The following SLTM variants were observed in gnomAD, a reference collection of about 807,000 sequenced individuals.
SLTM encodes the protein SAFB like transcription modulator, also known as SAFB-like transcription modulator.
A neutral mutation model predicts 134.6 loss-of-function variants in SLTM; 43 were observed. The ratio of observed to expected loss-of-function variants is 0.32; its 90% CI spans 0.25 to 0.41. The LOEUF (loss-of-function observed/expected upper bound fraction) is 0.41. Ranked by LOEUF, SLTM falls within the 10% of genes least tolerant of loss-of-function variation. The pLI, the probability that SLTM is intolerant of heterozygous loss-of-function variation, is 1.00. For synonymous variants in SLTM, 424 were observed against 432.3 expected (o/e 0.98, Z 0.24); for missense variants, 1,055 against 1,288.8 (o/e 0.82, Z 2.78).
At chr15:58,925,631 C>G (rs1233034065) in intron 2 of SLTM, among the ~76,000 whole-genome samples, 1 of 152,140 alleles carries the variant, frequency 6.6e-6, no homozygotes, top group Non-Finnish European at 1.5e-5. Flanking sequence ...AGCCATCCCA[C>G]CTGGCCCAAT....
In SLTM at chr15:58,913,680, T is replaced by G; in HGVS notation, c.332A>C (p.Asn111Thr). ...DAFIKDCELE[N>T]QEAHEQDGND... ...TCCATCTTGCTCATGTGCCTCTTGATTCTCCAATTCACAGTCCTTTTAATG... is the reference window on the plus strand; with the variant it reads ...TCCATCTTGCTCATGTGCCTCTTGAGTCTCCAATTCACAGTCCTTTTAATG... The change falls in exon 4 of 21, where the codon AAT becomes ACT. Residue 111 changes from asparagine to threonine, a missense_variant. Physicochemically the swap from Asn to Thr is moderately conservative, Grantham distance 65 (BLOSUM62 0). This residue lies in a region of SLTM where 268 missense variants were observed against 284.3 expected (regional missense o/e 0.94). Coordinates refer to ENST00000380516, the MANE Select transcript of SLTM (RefSeq NM_024755.4). 6.2e-7 allele frequency: 1 copy of G among 1,613,498 alleles called. No individual in the cohort carries two copies. The highest frequency in any genetic ancestry group is 8.5e-7 in the Non-Finnish European group (1 of 1,179,776).
chr15:58,908,713 G>A (rs2036052163), intron 5 of SLTM, among the ~76,000 whole-genome samples: 1 of 152,050 alleles, frequency 6.6e-6, no homozygotes, highest in Non-Finnish European at 1.5e-5. Flanking sequence ...GAAAATAAAT[G>A]AAACAAATCA....
At position 58,890,420 on chromosome 15, in the gene SLTM, C is replaced by T. The variant is rs1356307895; in HGVS notation, c.1940G>A (p.Arg647His). 3.7e-6 allele frequency: 6 copies of T among 1,613,810 alleles called. No individual in the cohort carries two copies. The highest frequency in any genetic ancestry group is 1.6e-4 in the Middle Eastern group (1 of 6,084). Residue 647 changes from arginine to histidine, a missense_variant, in exon 15 of 21, where the codon CGC becomes CAC. Coordinates refer to ENST00000380516, the MANE Select transcript of SLTM (RefSeq NM_024755.4). Reference sequence around the variant, plus strand: ...TTCCCGTTCACGAATTATTCTAATGCGTTCTCGCTCTCGACGCTCTCTCTC... The same window carrying T: ...TTCCCGTTCACGAATTATTCTAATGTGTTCTCGCTCTCGACGCTCTCTCTC... ...IAERERRERE[R>H]IRIIREREER...
intron 19 of SLTM, 33 bp downstream of exon 19, chr15:58,886,942 G>A (rs1464743294): frequency 6.2e-7 from 1 of 1,611,116 alleles, no homozygotes; most frequent in Middle Eastern, 2.2e-4. Flanking sequence ...ATGTATGTGT[G>A]CAGGCTCGCG....
Position 58,893,897 on chromosome 15 carries a change from T to C in SLTM, c.1572A>G (p.Lys524=). 6.2e-7 allele frequency: 1 copy of C among 1,613,400 alleles called. No homozygotes were observed. Among genetic ancestry groups the C allele is most frequent in the South Asian group, 1.1e-5 (1 of 90,844 alleles). The part of the protein sequence containing the change: ...ESKDTKKIEG[K]DEKNDNGASG... Reference sequence around the variant, plus strand: ...TTGCTCCATTATCATTCTTCTCATCTTTACCTTCTATTTTCTTAGTATCCT... The same window carrying C: ...TTGCTCCATTATCATTCTTCTCATCCTTACCTTCTATTTTCTTAGTATCCT... Residue 524 remains lysine, a synonymous_variant, in exon 12 of 21, where the codon AAA becomes AAG. Transcript: ENST00000380516.
chr15:58,923,782 G>A (rs2037264619), intron 2 of SLTM, among the ~76,000 whole-genome samples: 1 of 150,054 alleles, frequency 6.7e-6, no homozygotes, highest in South Asian at 2.1e-4. Flanking sequence ...AAAGTGTAAG[G>A]CAGATTGAAG....
In SLTM at chr15:58,931,696, C is replaced by A. The variant is rs532559133; in HGVS notation, c.250+660G>T. Among the ~76,000 whole-genome samples the A allele has an allele frequency of 9.2e-5, 14 of 152,292 alleles. No individual in the cohort carries two copies. In the South Asian group the frequency reaches 2.5e-3, roughly 27 times the overall value. On this transcript the variant is annotated intron_variant, in intron 2 of 20. Coordinates refer to ENST00000380516, the MANE Select transcript of SLTM (RefSeq NM_024755.4). ...CATACTGCAAAACGTTCATTTAAAA[C>A]CACTTTTAGCTAGTCACTAAATCAT... is the stretch of plus-strand genomic sequence containing the variant.
chr15:58,908,156 A>G (rs1419406685), intron 5 of SLTM, among the ~76,000 whole-genome samples: 2 of 151,316 alleles, frequency 1.3e-5, no homozygotes, highest in Non-Finnish European at 2.9e-5. Flanking sequence ...TCCTGGACTC[A>G]AGCAATCCTC....
At chr15:58,923,256 G>A (rs1247906469) in intron 2 of SLTM, among the ~76,000 whole-genome samples, 2 of 152,102 alleles carry the variant, frequency 1.3e-5, no homozygotes, top group Non-Finnish European at 2.9e-5. Flanking sequence ...TACTAGGGGG[G>A]CCGATGTGGG....
rs1372357453 is a variant in SLTM at position 58,893,821 on chromosome 15, T to G, written c.1648A>C (p.Ser550Arg). The stretch of plus-strand genomic sequence containing the variant: ...GGGATTGAAAAGATGTATAGCATAC[T>G]TATTCGCTTCTTTTCTTCACTTTTT... ...IKKSEEKKRISSKSPGHMVIL... is the reference protein window; with the variant it reads ...IKKSEEKKRIRSKSPGHMVIL... Residue 550 changes from serine (S) to arginine (R), a missense_variant and splice_region_variant, in exon 12 of 21, where the codon AGT becomes CGT. Transcript: ENST00000380516. 1.9e-6 allele frequency: 3 copies of G among 1,606,574 alleles called. No homozygotes were observed. The highest frequency in any genetic ancestry group is 2.5e-6 in the Non-Finnish European group (3 of 1,178,288).
Position 58,879,906 on chromosome 15 carries a change from C to T in SLTM, c.*93G>A, listed in dbSNP as rs762457367. The T allele has an allele frequency of 4.2e-6, 6 of 1,426,772 alleles. No homozygotes were observed. The highest frequency in any genetic ancestry group is 5.6e-6 in the Non-Finnish European group (6 of 1,071,172). The allele number at this position is 1,426,772 out of a possible 1,614,324, so 88.4% of individuals were successfully genotyped here. ...AAAAAGAAAAGTCTGACAGAACTCT[C>T]AAGCAAGTCAGAGGTCCTCTTCATA... is the stretch of plus-strand genomic sequence containing the variant. On this transcript the variant is annotated 3_prime_UTR_variant, in exon 21 of 21. Coordinates refer to ENST00000380516, the MANE Select transcript of SLTM (RefSeq NM_024755.4).
chr15:58,892,533 G>A (rs1239724159), intron 14 of SLTM, among the ~76,000 whole-genome samples: 1 of 152,160 alleles, frequency 6.6e-6, no homozygotes, highest in Non-Finnish European at 1.5e-5. Context: ...CAGCAGCTTT[G>A]GTGTTGAGGA....
intron 19 of SLTM, among the ~76,000 whole-genome samples, chr15:58,884,559 C>T (rs914575388): frequency 5.3e-5 from 8 of 152,084 alleles, no homozygotes; most frequent in African/African-American, 1.7e-4. Context: ...CTTCATGATC[C>T]GCCCGCCTAG....
intron 20 of SLTM, 66 bp from the exon 21 acceptor site, chr15:58,880,173 G>A (rs555405876): frequency 1.3e-6 from 2 of 1,563,882 alleles, no homozygotes; most frequent in South Asian, 1.2e-5. Context: ...CAAATACCAG[G>A]CACTGTTCTT....
At chr15:58,892,757 AATC>A in intron 14 of SLTM, 137 bp downstream of exon 14, 1 of 839,260 alleles carries the variant, frequency 1.2e-6, no homozygotes, top group Non-Finnish European at 1.9e-6. Context: ...AAACTTAAGA[AATC>A]ATTAGATGCT....
intron 5 of SLTM, among the ~76,000 whole-genome samples, chr15:58,905,683 AC>A (rs1303817057): frequency 2.0e-5 from 3 of 152,200 alleles, no homozygotes; most frequent in Admixed American, 1.3e-4. Flanking sequence ...CAAGAAAAAA[AC>A]ATAACATGTC....
In SLTM at chr15:58,892,889, C is replaced by T. The variant is rs2034777903; in HGVS notation, c.1898+8G>A. ...TAAAGACAGGTATAAAACAGACTCT[C>T]TTCCTACCTTCGAAGTTCCATTGCT... On this transcript the variant is annotated splice_region_variant and intron_variant, in intron 14 of 20. Coordinates refer to ENST00000380516, the MANE Select transcript of SLTM (RefSeq NM_024755.4). The T allele has an allele frequency of 6.2e-7, 1 of 1,612,392 alleles. No individual in the cohort carries two copies.
At chr15:58,923,316 C>T (rs1228958847) in intron 2 of SLTM, among the ~76,000 whole-genome samples, 3 of 152,110 alleles carry the variant, frequency 2.0e-5, no homozygotes, top group Non-Finnish European at 2.9e-5. Context: ...CAAGATTGTG[C>T]CACTCAATTT....
At chr15:58,892,473 T>A (rs527450196) in intron 14 of SLTM, among the ~76,000 whole-genome samples, 3 of 152,206 alleles carry the variant, frequency 2.0e-5, no homozygotes, top group Non-Finnish European at 4.4e-5. Flanking sequence ...TGTAGCTACT[T>A]TGAAACTATC....
Sources: allele counts gnomAD v4.1 joint callset (sites outside exome capture counted in the v4.1 genomes callset), GRCh38; gene constraint gnomAD v4.1.1; regional missense constraint gnomAD v4.1.1; transcripts MANE v1.5; gene names NCBI Gene and HGNC (gene_info 2026-07-23, HGNC 2026-07-21).